The following MIS18BP1 variants were observed in gnomAD, a reference collection of about 807,000 sequenced individuals.
MIS18BP1 encodes mis18-binding protein 1.
Under a neutral mutation model 116.1 loss-of-function variants are expected in MIS18BP1, and 72 were observed. The ratio of observed to expected loss-of-function variants is 0.62; its 90% confidence interval spans 0.51 to 0.75. The LOEUF (loss-of-function observed/expected upper bound fraction) is 0.75, where lower values mean the gene tolerates loss of function less well. Ranked by LOEUF, MIS18BP1 falls within the 30% of genes least tolerant of loss-of-function variation. The pLI is 0.00. For missense variants in MIS18BP1, 1,363 were observed against 1,303.2 expected (o/e 1.05, Z -0.71); for synonymous variants, 386 against 427.0 (o/e 0.90, Z 1.18).
intron 1 of MIS18BP1, among the ~76,000 whole-genome samples, chr14:45,252,313 G>T (rs922797179): frequency 6.6e-6 from 1 of 152,062 alleles, no homozygotes; most frequent in East Asian, 1.9e-4. Flanking sequence ...TCAATAAAAA[G>T]ATATATATGT....
intron 1 of MIS18BP1, among the ~76,000 whole-genome samples, chr14:45,252,276 C>T (rs1017159304): frequency 6.6e-6 from 1 of 152,114 alleles, no homozygotes; most frequent in Non-Finnish European, 1.5e-5. Context: ...TAAATCCCGC[C>T]ACATCCATAC....
intron 13 of MIS18BP1, among the ~76,000 whole-genome samples, chr14:45,214,282 T>C (rs1890754850): frequency 6.6e-6 from 1 of 152,234 alleles, no homozygotes; most frequent in South Asian, 2.1e-4. Flanking sequence ...TTTACTGAGA[T>C]AGGAGAAAAC....
chr14:45,216,369 G>T (rs998959971), intron 13 of MIS18BP1, among the ~76,000 whole-genome samples: 5 of 152,080 alleles, frequency 3.3e-5, no homozygotes, highest in Non-Finnish European at 7.4e-5. Flanking sequence ...TTTTTTAAAA[G>T]ATTCTATAAT....
At chr14:45,221,708 T>C (rs927173890) in intron 11 of MIS18BP1, among the ~76,000 whole-genome samples, 1 of 152,228 alleles carries the variant, frequency 6.6e-6, no homozygotes, top group Non-Finnish European at 1.5e-5. Flanking sequence ...AAATAACCTA[T>C]TCTTTTTCTT....
intron 1 of MIS18BP1, among the ~76,000 whole-genome samples, chr14:45,247,829 C>T (rs1353045595): frequency 2.6e-5 from 4 of 152,112 alleles, no homozygotes; most frequent in African/African-American, 7.2e-5. Flanking sequence ...GCAGCAACTA[C>T]AAGATCTATT....
At chr14:45,217,259 G>T in intron 12 of MIS18BP1, 80 bp from the exon 13 acceptor site, 1 of 1,463,752 alleles carries the variant, frequency 6.8e-7, no homozygotes, top group Non-Finnish European at 9.2e-7. Flanking sequence ...CCTTTGCAAA[G>T]TCTAAATTGT....
chr14:45,250,276 T>C (rs1264135028), intron 1 of MIS18BP1: 2 of 152,128 alleles, frequency 1.3e-5, no homozygotes, highest in East Asian at 1.9e-4. Flanking sequence ...AGCAACTCAA[T>C]ATAAGCCAAG....
intron 4 of MIS18BP1, among the ~76,000 whole-genome samples, chr14:45,241,296 C>T (rs1349257301): frequency 6.6e-6 from 1 of 152,120 alleles, no homozygotes; most frequent in East Asian, 1.9e-4. Context: ...ACGGTAAAAC[C>T]CCGTCTCTAC....
chr14:45,220,882 C>A (rs921246265), intron 11 of MIS18BP1, among the ~76,000 whole-genome samples: 8 of 152,162 alleles, frequency 5.3e-5, no homozygotes, highest in African/African-American at 1.9e-4. Flanking sequence ...CACCTGTAAT[C>A]CTAGCATTTT....
intron 6 of MIS18BP1, among the ~76,000 whole-genome samples, chr14:45,234,336 T>A: frequency 6.6e-6 from 1 of 150,506 alleles, no homozygotes. Context: ...AGGAGAAATG[T>A]GGTTAAAAGA....
chr14:45,245,654 G>A (rs1324530376), intron 2 of MIS18BP1, among the ~76,000 whole-genome samples: 2 of 152,044 alleles, frequency 1.3e-5, no homozygotes, highest in East Asian at 1.9e-4. Flanking sequence ...ATGAGCCACC[G>A]TGCCCGGCCG....
At position 45,210,370 on chromosome 14, in the gene MIS18BP1, G is replaced by T; in HGVS notation, c.3152+10C>A. On this transcript the variant is annotated intron_variant, in intron 14 of 16. Transcript: ENST00000310806. ...CAGAGAATTAACATATCATATGCAT[G>T]AATATTTACCTATTTATAGAACCTA... The T allele has an allele frequency of 6.2e-7, 1 of 1,611,638 alleles. No individual in the cohort carries two copies. Among genetic ancestry groups the T allele is most frequent in the Non-Finnish European group, 8.5e-7 (1 of 1,179,074 alleles).
chr14:45,206,022 A>C, intron 15 of MIS18BP1, 61 bp downstream of exon 15: 1 of 1,079,554 alleles, frequency 9.3e-7, no homozygotes, highest in Non-Finnish European at 1.4e-6. Context: ...TACAACTACC[A>C]CAGTTTATCA....
At chr14:45,230,338 A>G (rs1891240884) in intron 8 of MIS18BP1, among the ~76,000 whole-genome samples, 1 of 152,188 alleles carries the variant, frequency 6.6e-6, no homozygotes, top group Admixed American at 6.5e-5. Flanking sequence ...CTCCTTATTA[A>G]AAAAGAGAGA....
intron 1 of MIS18BP1, among the ~76,000 whole-genome samples, chr14:45,249,331 T>C (rs554024097): frequency 1.3e-5 from 2 of 152,060 alleles, no homozygotes; most frequent in Middle Eastern, 3.4e-3. Flanking sequence ...GGTGATCCAC[T>C]TGCCTCAGCC....
chr14:45,245,834 A>G (rs1363136444), intron 2 of MIS18BP1, among the ~76,000 whole-genome samples: 1 of 152,106 alleles, frequency 6.6e-6, no homozygotes, highest in Non-Finnish European at 1.5e-5. Context: ...CACCTTGATC[A>G]CTTCTCTAAA....
intron 9 of MIS18BP1, among the ~76,000 whole-genome samples, chr14:45,227,073 G>A (rs1272086765): frequency 6.6e-6 from 1 of 152,126 alleles, no homozygotes; most frequent in Non-Finnish European, 1.5e-5. Flanking sequence ...GGTTTTTCAA[G>A]TGCTTTTAAA....
rs1352839108 is a variant in MIS18BP1, at chr14:45,246,755, T to C, written c.532A>G (p.Ser178Gly). ...ACATAAAACTAACCTCTTAGTGAAC[T>C]GTCATCTGACTGGAATGATTTGTTG... ...ENNKSFQSDD[S>G]SLRASVQGVP... is the part of the protein sequence containing the mutation. The change falls in exon 2 of 17, where the codon AGT becomes GGT. Residue 178 changes from serine (S) to glycine (G), a missense_variant. Coordinates refer to ENST00000310806, the MANE Select transcript of MIS18BP1 (RefSeq NM_018353.5). 1.3e-6 allele frequency: 2 copies of C among 1,563,634 alleles called. No individual in the cohort carries two copies. The highest frequency in any genetic ancestry group is 8.6e-7 in the Non-Finnish European group (1 of 1,162,632).
intron 2 of MIS18BP1, among the ~76,000 whole-genome samples, chr14:45,245,723 G>A (rs1891705539): frequency 6.6e-6 from 1 of 152,110 alleles, no homozygotes; most frequent in Non-Finnish European, 1.5e-5. Context: ...CCCAGCTCTT[G>A]AATGTTTTCT....
Sources: gnomAD v4.1 joint callset for allele counts (sites outside exome capture counted in the v4.1 genomes callset) on GRCh38, gnomAD v4.1.1 for gene constraint, MANE v1.5 for transcripts, NCBI Gene and HGNC (gene_info 2026-07-23, HGNC 2026-07-21) for gene names.